The following LRRC4C variants were observed in gnomAD, a reference collection of about 807,000 sequenced individuals.
The protein encoded by LRRC4C is leucine-rich repeat-containing protein 4C.
In LRRC4C, 5 loss-of-function variants were observed where a neutral mutation model predicts 33.6. The observed-to-expected ratio is 0.15, with a 90% CI of 0.08 to 0.31. The LOEUF (loss-of-function observed/expected upper bound fraction) is 0.31. Ranked by LOEUF, LRRC4C falls within the 10% of genes least tolerant of loss-of-function variation. The probability of loss-of-function intolerance (pLI) is 1.00; values close to 1 mark genes in which losing one functional copy is unlikely to be tolerated. For missense variants in LRRC4C, 560 were observed against 796.7 expected (o/e 0.70, Z 3.58); for synonymous variants, 329 against 302.0 (o/e 1.09, Z -0.93).
chr11:41,069,013 T>C (rs912943744), intron 1 of LRRC4C, among the ~76,000 whole-genome samples: 2 of 151,946 alleles, frequency 1.3e-5, no homozygotes, highest in African/African-American at 4.8e-5. Flanking sequence ...AATGCAAAAA[T>C]CCTCAGTAAA....
intron 1 of LRRC4C, among the ~76,000 whole-genome samples, chr11:40,967,799 A>G (rs1851462685): frequency 6.6e-6 from 1 of 151,702 alleles, no homozygotes; most frequent in African/African-American, 2.4e-5. Context: ...TTCAATAATT[A>G]TTCAATATTT....
At chr11:40,760,801 A>G (rs1195285252) in intron 2 of LRRC4C, among the ~76,000 whole-genome samples, 6 of 90,998 alleles carry the variant, frequency 6.6e-5, no homozygotes, top group African/African-American at 3.1e-4. Flanking sequence ...ATATATATAT[A>G]CACACACACA....
chr11:40,536,947 G>C (rs1030383425), intron 3 of LRRC4C, among the ~76,000 whole-genome samples: 9 of 152,038 alleles, frequency 5.9e-5, no homozygotes, highest in Admixed American at 5.9e-4. Flanking sequence ...AGCTTCATGG[G>C]AGCAGGAATT....
intron 1 of LRRC4C, among the ~76,000 whole-genome samples, chr11:41,100,523 G>A (rs1455063694): frequency 2.0e-5 from 3 of 152,022 alleles, no homozygotes; most frequent in East Asian, 1.9e-4. Context: ...AGCTGAGATC[G>A]TGCCATTGCA....
At chr11:40,987,908 C>T (rs959178842) in intron 1 of LRRC4C, among the ~76,000 whole-genome samples, 6 of 151,768 alleles carry the variant, frequency 4.0e-5, no homozygotes, top group Non-Finnish European at 8.8e-5. Flanking sequence ...TCTCAGTGAG[C>T]AAATTAAAAG....
intron 1 of LRRC4C, among the ~76,000 whole-genome samples, chr11:41,319,154 C>A (rs1950881411): frequency 6.6e-6 from 1 of 152,066 alleles, no homozygotes; most frequent in Non-Finnish European, 1.5e-5. Flanking sequence ...CATGATGCCA[C>A]ATGGATTTTA....
intron 3 of LRRC4C, among the ~76,000 whole-genome samples, chr11:40,458,977 A>G (rs75087488): frequency 0.041 from 6,203 of 152,264 alleles, 409 homozygotes; most frequent in African/African-American, 0.14. Context: ...AAGCAGATAC[A>G]GAGATAAAAA....
chr11:40,596,688 A>G (rs1401129619), intron 3 of LRRC4C, among the ~76,000 whole-genome samples: 2 of 152,042 alleles, frequency 1.3e-5, no homozygotes, highest in Admixed American at 1.3e-4. Flanking sequence ...TTAAGTTCCT[A>G]CATATGACTA....
chr11:40,696,774 A>ATATATATATATATATATATATC (rs1452827874), intron 2 of LRRC4C, among the ~76,000 whole-genome samples: 2 of 144,498 alleles, frequency 1.4e-5, no homozygotes, highest in Admixed American at 6.9e-5. Flanking sequence ...ATATATATAT[A>ATATATATATATATATATATATC]TCTGAGTATA....
rs560456189 is a variant in LRRC4C at position 41,093,194 on chromosome 11, C to A, written c.-495-159471G>T. On this transcript the variant is annotated intron_variant, in intron 1 of 6. Coordinates refer to ENST00000528697, the MANE Select transcript of LRRC4C (RefSeq NM_001258419.2). The stretch of plus-strand genomic sequence containing the variant: ...ACTCCTCTGTTCTTTAATAATTTTC[C>A]ATCCATCTTTCAAAGGAAAAAGAAT... Among the ~76,000 whole-genome samples the A allele has an allele frequency of 5.3e-5, 8 of 152,274 alleles. No homozygotes were observed. In the East Asian group the frequency reaches 1.5e-3, roughly 29 times the overall value.
At chr11:41,109,886 G>GT (rs1283817327) in intron 1 of LRRC4C, among the ~76,000 whole-genome samples, 2 of 152,002 alleles carry the variant, frequency 1.3e-5, no homozygotes, top group African/African-American at 4.8e-5. Context: ...AGGTGTTTGG[G>GT]TTTTTTTGTC....
intron 1 of LRRC4C, among the ~76,000 whole-genome samples, chr11:41,230,419 T>G (rs906605594): frequency 6.6e-6 from 1 of 152,002 alleles, no homozygotes; most frequent in Non-Finnish European, 1.5e-5. Context: ...CTACCTTCAG[T>G]GGAGAGGCAA....
At chr11:40,123,644 A>C (rs930846113) in intron 6 of LRRC4C, among the ~76,000 whole-genome samples, 1 of 152,080 alleles carries the variant, frequency 6.6e-6, no homozygotes, top group South Asian at 2.1e-4. Context: ...AAACAATAGG[A>C]TTAAAATGTC....
chr11:41,282,280 TAA>T (rs748174565), intron 1 of LRRC4C, among the ~76,000 whole-genome samples: 6 of 152,188 alleles, frequency 3.9e-5, no homozygotes, highest in Admixed American at 6.5e-5. Flanking sequence ...CAAGTGAAAT[TAA>T]GTTTCCATCT....
At chr11:41,454,442 C>G (rs1048067504) in intron 1 of LRRC4C, among the ~76,000 whole-genome samples, 1 of 152,118 alleles carries the variant, frequency 6.6e-6, no homozygotes. Flanking sequence ...CCTTCTAATA[C>G]TCCCCACAGC....
chr11:41,080,208 T>A (rs1939461366), intron 1 of LRRC4C, among the ~76,000 whole-genome samples: 1 of 152,162 alleles, frequency 6.6e-6, no homozygotes, highest in South Asian at 2.1e-4. Context: ...ATATTCCAAC[T>A]ACAACTAATC....
In LRRC4C at chr11:41,127,743, C is replaced by T. The variant is rs558421738; in HGVS notation, c.-495-194020G>A. Among the ~76,000 whole-genome samples the T allele has an allele frequency of 3.5e-4, 53 of 151,776 alleles. No homozygotes were observed. In the South Asian group the frequency reaches 0.011, roughly 32 times the overall value. ...GTCTTCAGTGCTCTATTCAACAAAA[C>T]ATTGCTATGTTGAGATAGTGCTATT... On this transcript the variant is annotated intron_variant, in intron 1 of 6. Coordinates refer to ENST00000528697, the MANE Select transcript of LRRC4C (RefSeq NM_001258419.2).
chr11:41,328,132 C>G (rs1951179946), intron 1 of LRRC4C, among the ~76,000 whole-genome samples: 1 of 152,124 alleles, frequency 6.6e-6, no homozygotes, highest in Non-Finnish European at 1.5e-5. Flanking sequence ...TGCAGGTACC[C>G]CTACTACTCT....
At chr11:40,932,375 G>C (rs151317524) in intron 2 of LRRC4C, among the ~76,000 whole-genome samples, 162 of 152,198 alleles carry the variant, frequency 1.1e-3, no homozygotes, top group African/African-American at 3.8e-3. Flanking sequence ...ATTGAGAGTT[G>C]TTTCAAGAAG....
Sources: allele counts gnomAD v4.1 joint callset (sites outside exome capture counted in the v4.1 genomes callset), GRCh38; gene constraint gnomAD v4.1.1; transcripts MANE v1.5; gene names NCBI Gene and HGNC (gene_info 2026-07-23, HGNC 2026-07-21).